The following FAM13B variants were observed in gnomAD, a reference collection of about 807,000 sequenced individuals.
The protein encoded by FAM13B is protein FAM13B.
In FAM13B, 60 loss-of-function variants were observed where a neutral mutation model predicts 117.3. That is an observed-to-expected ratio of 0.51 (90% CI 0.42 to 0.63). The LOEUF (loss-of-function observed/expected upper bound fraction) is 0.63, where lower values mean the gene tolerates loss of function less well. Ranked by LOEUF, FAM13B falls within the 30% of genes least tolerant of loss-of-function variation. The probability of loss-of-function intolerance (pLI) is 0.00; values close to 1 mark genes in which losing one functional copy is unlikely to be tolerated. For synonymous variants in FAM13B, 332 were observed against 356.1 expected, an observed-to-expected ratio of 0.93 and a Z score of 0.76; for missense variants, 972 against 1,091.9, an observed-to-expected ratio of 0.89 and a Z score of 1.55.
At chr5:137,952,110 A>G (rs1482824354) in intron 17 of FAM13B, among the ~76,000 whole-genome samples, 1 of 152,248 alleles carries the variant, frequency 6.6e-6, no homozygotes, top group Non-Finnish European at 1.5e-5. Context: ...CTCACTAAAC[A>G]TCCACAAACT....
At position 137,942,975 on chromosome 5, in the gene FAM13B, G is replaced by C. The variant is rs1198439259; in HGVS notation, c.2488C>G (p.Gln830Glu). ...GAGTTTTCTAATGAAGACTGTACCTGTACTGCAGTTTTCAACATATCACCT... is the reference window on the plus strand; with the variant it reads ...GAGTTTTCTAATGAAGACTGTACCTCTACTGCAGTTTTCAACATATCACCT... ...ELGDMLKTAV[Q>E]VQSSLENSES... The change falls in exon 22 of 24, where the codon CAG becomes GAG. Residue 830 changes from glutamine (Q) to glutamate (E), a missense_variant. By Grantham distance (29) the Gln-to-Glu change is conservative. Coordinates refer to ENST00000689681, the MANE Select transcript of FAM13B (RefSeq NM_001385994.1). The C allele has an allele frequency of 6.2e-7, 1 of 1,613,286 alleles. No homozygotes were observed. The highest frequency in any genetic ancestry group is 1.3e-5 in the African/African-American group (1 of 74,972).
rs1181218698 is a variant in FAM13B, at chr5:137,952,762, T to C, written c.1849-53A>G. 4 of 1,027,316 alleles carry C rather than the reference T, an allele frequency of 3.9e-6. No individual in the cohort carries two copies. The African/African-American group carries it at 4.8e-5, about 12-fold the overall frequency. The allele number at this position is 1,027,316 out of a possible 1,614,324, so 63.6% of individuals were successfully genotyped here. ...ACACTTGTGATAAGCAATAGTTACATTAATTTATGTCCAAATAGTATTTTA... is the reference window on the plus strand; with the variant it reads ...ACACTTGTGATAAGCAATAGTTACACTAATTTATGTCCAAATAGTATTTTA... On this transcript the variant is annotated intron_variant, in intron 16 of 23. Coordinates refer to ENST00000689681, the MANE Select transcript of FAM13B (RefSeq NM_001385994.1).
At position 137,949,058 on chromosome 5, in the gene FAM13B, A is replaced by G. The variant is rs962787852; in HGVS notation, c.2057T>C (p.Val686Ala). The change falls in exon 18 of 24, where the codon GTC (valine) becomes GCC (alanine). Residue 686 changes from valine to alanine, a missense_variant. Physicochemically the swap from Val to Ala is moderately conservative, Grantham distance 64 (BLOSUM62 0). Transcript: ENST00000689681. ...AGATGGTTTTTTCTCCTTCTGAATG[A>G]CCTTGGGTTCATCTTCATTCTCTTC... ...EDEENEDEPK[V>A]IQKEKKPSKE... 6.2e-7 allele frequency: 1 copy of G among 1,613,886 alleles called. No individual in the cohort carries two copies. The highest frequency in any genetic ancestry group is 1.3e-5 in the African/African-American group (1 of 74,906).
At chr5:137,985,189 C>T (rs1162355497) in intron 10 of FAM13B, 68 bp downstream of exon 10, 9 of 1,481,150 alleles carry the variant, frequency 6.1e-6, no homozygotes, top group Non-Finnish European at 8.3e-6. Context: ...ACTATAACTT[C>T]TGGCATCAAA....
chr5:137,946,171 G>A (rs2150150221), intron 19 of FAM13B, 57 bp downstream of exon 19: 1 of 1,461,846 alleles, frequency 6.8e-7, no homozygotes, highest in East Asian at 2.3e-5. Context: ...CCACAAAATT[G>A]ATTCATGTTC....
chr5:137,966,488 T>TATATATATAGAGAGAGAGAGAG (rs1461425784), intron 10 of FAM13B, among the ~76,000 whole-genome samples: 3 of 29,480 alleles, frequency 1.0e-4, no homozygotes, highest in African/African-American at 1.3e-4. Flanking sequence ...TATATATATA[T>TATATATATAGAGAGAGAGAGAG]AGAGAGAGAG....
At chr5:138,004,503 C>A (rs1290151094) in intron 7 of FAM13B, among the ~76,000 whole-genome samples, 2 of 152,244 alleles carry the variant, frequency 1.3e-5, no homozygotes, top group African/African-American at 4.8e-5. Flanking sequence ...TATATCTGCA[C>A]TGCCCAACAT....
chr5:138,024,272 C>T (rs1787566940), intron 1 of FAM13B, among the ~76,000 whole-genome samples: 1 of 151,984 alleles, frequency 6.6e-6, no homozygotes, highest in South Asian at 2.1e-4. Context: ...AATCCAATGA[C>T]TCATGCCCTT....
chr5:137,983,033 G>C (rs1431910242), intron 10 of FAM13B, among the ~76,000 whole-genome samples: 1 of 151,962 alleles, frequency 6.6e-6, no homozygotes, highest in African/African-American at 2.4e-5. Flanking sequence ...GGTAGGTAGA[G>C]CCATTAGACT....
chr5:137,964,495 C>A (rs1440938414), intron 10 of FAM13B, among the ~76,000 whole-genome samples: 1 of 149,438 alleles, frequency 6.7e-6, no homozygotes, highest in African/African-American at 2.5e-5. Context: ...CTGAGGCGAG[C>A]AAATCACTTG....
intron 14 of FAM13B, 27 bp from the exon 15 acceptor site, chr5:137,954,403 C>G: frequency 4.4e-6 from 7 of 1,573,938 alleles, no homozygotes; most frequent in Non-Finnish European, 6.1e-6. Context: ...AAGAATAGTA[C>G]CATGGGTCTC....
intron 7 of FAM13B, among the ~76,000 whole-genome samples, chr5:138,006,257 T>C (rs935111760): frequency 6.6e-6 from 1 of 152,146 alleles, no homozygotes; most frequent in Non-Finnish European, 1.5e-5. Context: ...AAATATCTAG[T>C]GGACTAAATA....
intron 1 of FAM13B, among the ~76,000 whole-genome samples, chr5:138,024,852 G>GT: frequency 6.9e-6 from 1 of 143,988 alleles, no homozygotes; most frequent in Non-Finnish European, 1.5e-5. Flanking sequence ...GAGAGAGAGA[G>GT]TTTTTTGAGT....
chr5:137,946,400 TC>T (rs2150152896), intron 18 of FAM13B, 89 bp from the exon 19 acceptor site: 1 of 786,974 alleles, frequency 1.3e-6, no homozygotes, highest in East Asian at 2.7e-5. Context: ...TTCTCCTCAC[TC>T]CCACAATGTA....
intron 10 of FAM13B, among the ~76,000 whole-genome samples, chr5:137,965,187 TAAATA>T (rs1436818330): frequency 1.3e-5 from 2 of 151,946 alleles, no homozygotes; most frequent in East Asian, 1.9e-4. Context: ...ATAAAATATA[TAAATA>T]AAATAAAATA....
intron 10 of FAM13B, among the ~76,000 whole-genome samples, chr5:137,969,149 T>TG (rs979471022): frequency 6.6e-6 from 1 of 152,222 alleles, no homozygotes; most frequent in Non-Finnish European, 1.5e-5. Flanking sequence ...GCTCCACCTC[T>TG]GGGGGGCAGG....
intron 10 of FAM13B, among the ~76,000 whole-genome samples, chr5:137,966,459 T>TTATATATATATATATATATA (rs373885448): frequency 2.0e-5 from 1 of 50,286 alleles, no homozygotes; most frequent in Non-Finnish European, 3.5e-5. Flanking sequence ...GAAATAGATT[T>TTATATATATATATATATATA]TATATATATA....
At chr5:138,043,375 A>G (rs115356067) in intron 1 of FAM13B, among the ~76,000 whole-genome samples, 2,133 of 152,070 alleles carry the variant, frequency 0.014, 38 homozygotes, top group African/African-American at 0.047. Flanking sequence ...AAAATAAATA[A>G]TAAATAAGAA....
At chr5:138,025,276 T>A (rs1787974175) in intron 1 of FAM13B, among the ~76,000 whole-genome samples, 1 of 140,480 alleles carries the variant, frequency 7.1e-6, no homozygotes, top group South Asian at 2.2e-4. Flanking sequence ...TAACAGTGAT[T>A]ACAAACAAAG....
Sources: allele counts gnomAD v4.1 joint callset (sites outside exome capture counted in the v4.1 genomes callset), GRCh38; gene constraint gnomAD v4.1.1; transcripts MANE v1.5; gene names NCBI Gene and HGNC (gene_info 2026-07-23, HGNC 2026-07-21).